The following OTOGL variants were observed in gnomAD, a reference collection of about 807,000 sequenced individuals.
OTOGL encodes otogelin like.
In OTOGL, 285 loss-of-function variants were observed where a neutral mutation model predicts 318.5. The ratio of observed to expected loss-of-function variants is 0.89; its 90% CI spans 0.81 to 0.99. The LOEUF is 0.99. OTOGL is among the 50% of genes least tolerant of loss of function. OTOGL has a pLI of 0.00. For missense variants in OTOGL, 2,899 were observed against 2,845.6 expected, an observed-to-expected ratio of 1.02 and a Z score of -0.43; for synonymous variants, 987 against 936.5, an observed-to-expected ratio of 1.05 and a Z score of -0.99.
intron 1 of OTOGL, among the ~76,000 whole-genome samples, chr12:80,116,264 C>T (rs963205410): frequency 2.6e-5 from 4 of 152,094 alleles, no homozygotes; most frequent in Non-Finnish European, 1.5e-5. Flanking sequence ...CACCATCCCT[C>T]ATGGCACAGT....
At position 80,217,775 on chromosome 12, in the gene OTOGL, C is replaced by A. The variant is rs897302881; in HGVS notation, c.235+111C>A. 59 of 760,010 alleles carry A rather than the reference C, an allele frequency of 7.8e-5. 2 individuals are homozygous for A. In the Middle Eastern group the frequency reaches 5.1e-3, roughly 65 times the overall value. 47.1% of individuals were successfully genotyped at this position (760,010 alleles called of 1,614,324 possible). ...GTATACCACATGAAGGAAAGTGAGC[C>A]AGGATGGTAGTAATACTTAGTAATA... On this transcript the variant is annotated intron_variant, in intron 5 of 58. Transcript: ENST00000547103.
Position 80,257,938 on chromosome 12 carries a change from G to T in OTOGL, c.1825G>T (p.Ala609Ser), listed in dbSNP as rs374776393. 3.1e-6 allele frequency: 5 copies of T among 1,597,722 alleles called. No individual in the cohort carries two copies. The highest frequency in any genetic ancestry group is 4.2e-6 in the Non-Finnish European group (5 of 1,179,074). Residue 609 changes from alanine to serine, a missense_variant, in exon 18 of 59, where the codon GCA becomes TCA. Around this residue, in one of 3 missense-constraint regions of OTOGL, gnomAD observed 2,607 missense variants for 2,524.9 expected, o/e 1.03. Coordinates refer to ENST00000547103, the MANE Select transcript of OTOGL (RefSeq NM_001378609.3). ...GERIYIQLTS[A>S]WKRRTLGLCG... ...AAGAATTTATATTCAGCTTACTAGC[G>T]CATGGAAAAGAAGAACATTAGGTCT...
At chr12:80,219,992 A>T in intron 6 of OTOGL, 80 bp downstream of exon 6, 1 of 1,019,124 alleles carries the variant, frequency 9.8e-7, no homozygotes, top group South Asian at 1.4e-5. Flanking sequence ...AATAATGTTC[A>T]TCCATTGGGA....
intron 19 of OTOGL, among the ~76,000 whole-genome samples, chr12:80,264,172 A>G (rs1441656220): frequency 6.6e-6 from 1 of 152,148 alleles, no homozygotes; most frequent in African/African-American, 2.4e-5. Context: ...AACCAAGGAA[A>G]ACTAGGTCCA....
intron 27 of OTOGL, among the ~76,000 whole-genome samples, chr12:80,297,926 C>A (rs1007588995): frequency 6.6e-6 from 1 of 152,202 alleles, no homozygotes; most frequent in African/African-American, 2.4e-5. Flanking sequence ...CCCTTAAGCA[C>A]CCTGTTAGAA....
chr12:80,221,925 T>C (rs1484198472), intron 6 of OTOGL, among the ~76,000 whole-genome samples, 166 bp from the exon 7 acceptor site: 1 of 152,240 alleles, frequency 6.6e-6, no homozygotes, highest in Non-Finnish European at 1.5e-5. Flanking sequence ...GGGAGTTTGA[T>C]AGTTTTGAGA....
chr12:80,366,380 C>G, intron 52 of OTOGL, 194 bp from the exon 53 acceptor site: 1 of 466,596 alleles, frequency 2.1e-6, no homozygotes, highest in Non-Finnish European at 4.2e-6. Context: ...TTTGATTGCC[C>G]TACAGAAGCT....
intron 1 of OTOGL, among the ~76,000 whole-genome samples, chr12:80,183,142 C>T (rs1875046031): frequency 1.3e-5 from 2 of 152,030 alleles, no homozygotes; most frequent in South Asian, 4.1e-4. Context: ...AGGGACTGTG[C>T]AGAGCACACA....
At chr12:80,121,148 T>C (rs1870465534) in intron 1 of OTOGL, among the ~76,000 whole-genome samples, 1 of 152,156 alleles carries the variant, frequency 6.6e-6, no homozygotes, top group Admixed American at 6.6e-5. Context: ...CCTCTCCCTC[T>C]GCCCTGTCCT....
chr12:80,373,432 AAAACAAACAAACAAACAAAC>A (rs57094353), intron 57 of OTOGL, among the ~76,000 whole-genome samples: 170 of 150,622 alleles, frequency 1.1e-3, no homozygotes, highest in African/African-American at 2.5e-3. Flanking sequence ...CTCTGTCTCC[AAAACAAACAAACAAACAAAC>A]AAACAAACAA....
chr12:80,266,380 C>A lies in OTOGL; in HGVS notation c.2225-71C>A, dbSNP rs976916797. 1.3e-5 allele frequency: 20 copies of A among 1,494,766 alleles called. No homozygotes were observed. The African/African-American group carries it at 1.4e-4, about 10-fold the overall frequency. 92.6% of individuals were successfully genotyped at this position (1,494,766 alleles called of 1,614,324 possible). On this transcript the variant is annotated intron_variant, in intron 20 of 58. Coordinates refer to ENST00000547103, the MANE Select transcript of OTOGL (RefSeq NM_001378609.3). ...GCCAGCTTTCATTTTCTATCATAGA[C>A]CTCTAAGGAGGCATAAAATGTTTCT...
chr12:80,221,690 G>C (rs568627146), intron 6 of OTOGL, among the ~76,000 whole-genome samples: 6 of 152,126 alleles, frequency 3.9e-5, no homozygotes, highest in Admixed American at 2.6e-4. Context: ...GTTTTTGAAA[G>C]ACTAGAACAC....
At chr12:80,332,067 T>C (rs969451074) in intron 37 of OTOGL, among the ~76,000 whole-genome samples, 2 of 152,208 alleles carry the variant, frequency 1.3e-5, no homozygotes, top group Non-Finnish European at 2.9e-5. Flanking sequence ...AGAGTCTCCC[T>C]TAGAGCCTCC....
At chr12:80,108,811 ATG>A (rs1360763633) in intron 1 of OTOGL, among the ~76,000 whole-genome samples, 1 of 127,810 alleles carries the variant, frequency 7.8e-6, no homozygotes, top group African/African-American at 2.8e-5. Flanking sequence ...GTATATATAT[ATG>A]TGTATATATA....
intron 26 of OTOGL, among the ~76,000 whole-genome samples, chr12:80,292,426 C>T (rs1180243487): frequency 3.3e-5 from 5 of 152,214 alleles, no homozygotes; most frequent in South Asian, 4.1e-4. Flanking sequence ...ATTGGGCCAG[C>T]AATCCTCATG....
intron 1 of OTOGL, among the ~76,000 whole-genome samples, chr12:80,152,923 AC>A (rs1324591780): frequency 5.3e-5 from 8 of 152,242 alleles, no homozygotes; most frequent in African/African-American, 1.9e-4. Flanking sequence ...CAATTTCGTA[AC>A]CTCAGGTGGT....
chr12:80,152,343 G>C (rs537204348), intron 1 of OTOGL, among the ~76,000 whole-genome samples: 1 of 152,292 alleles, frequency 6.6e-6, no homozygotes, highest in South Asian at 2.1e-4. Flanking sequence ...GGCATAAGAA[G>C]AGAAAGCAGA....
intron 42 of OTOGL, among the ~76,000 whole-genome samples, chr12:80,337,975 C>A (rs1295368190): frequency 6.6e-6 from 1 of 151,950 alleles, no homozygotes; most frequent in Admixed American, 6.6e-5. Flanking sequence ...TTATTTGGAG[C>A]ATTTGGGTGG....
chr12:80,301,575 A>C (rs1885763291), intron 27 of OTOGL, among the ~76,000 whole-genome samples: 2 of 152,260 alleles, frequency 1.3e-5, no homozygotes, highest in African/African-American at 4.8e-5. Flanking sequence ...CTAAGTCTTG[A>C]TTCAAGCCAT....
Sources: gnomAD v4.1 joint callset for allele counts (sites outside exome capture counted in the v4.1 genomes callset) on GRCh38, gnomAD v4.1.1 for gene constraint, gnomAD v4.1.1 regional missense constraint, MANE v1.5 for transcripts, NCBI Gene and HGNC (gene_info 2026-07-23, HGNC 2026-07-21) for gene names.